Variants in C1QTNF12 observed in about 807,000 individuals in gnomAD.
C1QTNF12 encodes adipolin.
In C1QTNF12, 39 loss-of-function variants were observed where a neutral mutation model predicts 34.3. The ratio of observed to expected loss-of-function variants is 1.14; its 90% CI spans 0.88 to 1.49. The LOEUF is 1.49. Ranked by LOEUF, C1QTNF12 falls within the 40% of genes most tolerant of loss-of-function variation. The probability of loss-of-function intolerance (pLI) is 0.00; values close to 1 mark genes in which losing one functional copy is unlikely to be tolerated. For missense variants in C1QTNF12, 497 were observed against 424.7 expected, an observed-to-expected ratio of 1.17 and a Z score of -1.50; for synonymous variants, 220 against 196.9, an observed-to-expected ratio of 1.12 and a Z score of -0.98.
rs550573470 is a variant in C1QTNF12, at chr1:1,243,848, C to A, written c.531+106G>T. On this transcript the variant is annotated intron_variant, in intron 4 of 7. Coordinates refer to ENST00000330388, the MANE Select transcript of C1QTNF12 (RefSeq NM_001014980.3). The stretch of plus-strand genomic sequence containing the variant: ...CTCGCCCTCCGAGCCCCGCCCCCAG[C>A]CCCCAACCCACATGCTGCCCCATGA... 7.8e-4 allele frequency: 1,094 copies of A among 1,403,616 alleles called. 4 individuals are homozygous for A. The highest frequency in any genetic ancestry group is 9.2e-4 in the Non-Finnish European group (952 of 1,039,970). 86.9% of individuals were successfully genotyped at this position (1,403,616 alleles called of 1,614,324 possible).
Position 1,243,481 on chromosome 1 carries a change from C to T in C1QTNF12, c.603G>A (p.Val201=), listed in dbSNP as rs374660087. ...SLASGRFTAP[V]SGIFQFSASL... ...TGGCAGAGAACTGGAAGATGCCGGA[C>T]ACGGGGGCCGTGAACCGACCCGAGG... The change falls in exon 5 of 8, where the codon GTG becomes GTA. Residue 201 remains valine, a synonymous_variant. Transcript: ENST00000330388. 1.9e-6 allele frequency: 3 copies of T among 1,560,124 alleles called. No individual in the cohort carries two copies. The highest frequency in any genetic ancestry group is 2.7e-5 in the African/African-American group (2 of 73,478).
intron 1 of C1QTNF12, among the ~76,000 whole-genome samples, chr1:1,245,659 G>A (rs1638875545): frequency 6.6e-6 from 1 of 152,106 alleles, no homozygotes. Flanking sequence ...CCGGGAACCA[G>A]CCCACTCTTC....
In C1QTNF12 at chr1:1,243,978, CAGCGTCCGCTTGTCCACCCGGCGGGG is replaced by C; in HGVS notation, c.481_506del (p.Pro161GlyfsTer48). 4 of 1,609,628 alleles carry C rather than the reference CAGCGTCCGCTTGTCCACCCGGCGGGG, an allele frequency of 2.5e-6. No homozygotes were observed. Among genetic ancestry groups the C allele is most frequent in the Non-Finnish European group, 3.4e-6 (4 of 1,178,666 alleles). On this transcript the variant is annotated frameshift_variant, in exon 4 of 8. Coordinates refer to ENST00000330388, the MANE Select transcript of C1QTNF12 (RefSeq NM_001014980.3). LOFTEE classifies it high-confidence loss of function. Reference sequence around the variant, plus strand: ...CAGCCTGGAAACCATGCAGCTCCACCAGCGTCCGCTTGTCCACCCGGCGGGGACCCTGCAGCCGGCAGTGAAAGGCC... The same window carrying C: ...CAGCCTGGAAACCATGCAGCTCCACCACCCTGCAGCCGGCAGTGAAAGGCC...
Position 1,243,681 on chromosome 1 carries a change from T to C in C1QTNF12, c.532-129A>G, listed in dbSNP as rs1040922957. ...GCTCTCCCGGGACCCTCACGCTCAC[T>C]GTGGGCACCAGCAGGACTGACCCTC... On this transcript the variant is annotated intron_variant, in intron 4 of 7. Coordinates refer to ENST00000330388, the MANE Select transcript of C1QTNF12 (RefSeq NM_001014980.3). 3.5e-6 allele frequency: 3 copies of C among 847,830 alleles called. No homozygotes were observed. In the Admixed American group the frequency reaches 7.1e-5, roughly 20 times the overall value. 52.5% of individuals were successfully genotyped at this position (847,830 alleles called of 1,614,324 possible).
At position 1,246,639 on chromosome 1, in the gene C1QTNF12, C is replaced by G; in HGVS notation, c.52G>C (p.Val18Leu). Residue 18 changes from valine to leucine, a missense_variant, in exon 1 of 8, where the codon GTG (valine) becomes CTG (leucine). Val to Leu is a conservative substitution (Grantham distance 32). Transcript: ENST00000330388. This position sits in a 1 kb window ranked among gnomAD's most constrained non-coding sequence, Gnocchi z 4.5. ...AVVVLLGPQL[V>L]LLGGVGARRE... ...CGGGCCCCGACGCCCCCGAGGAGCA[C>G]GAGCTGCGGCCCGAGGAGGACCACG... 2.4e-6 allele frequency: 3 copies of G among 1,236,770 alleles called. No individual in the cohort carries two copies. The highest frequency in any genetic ancestry group is 3.0e-6 in the Non-Finnish European group (3 of 990,554). 76.6% of individuals were successfully genotyped at this position (1,236,770 alleles called of 1,614,324 possible).
rs1407411654 is a variant in C1QTNF12 at position 1,246,268 on chromosome 1, G to A, written c.177+246C>T. On this transcript the variant is annotated intron_variant, in intron 1 of 7. Transcript: ENST00000330388. This position sits in a 1 kb window ranked among gnomAD's most constrained non-coding sequence, Gnocchi z 4.5. ...TAACTGCGGCCCCCAACCGCGGGAA[G>A]CCCCCTTCACCCACCCACCCCAGGC... Among the ~76,000 whole-genome samples, 3 of 151,774 alleles carry A rather than the reference G, an allele frequency of 2.0e-5. No individual in the cohort carries two copies. Among genetic ancestry groups the A allele is most frequent in the African/African-American group, 7.3e-5 (3 of 41,324 alleles).
chr1:1,245,357 GC>G (rs1407166999), intron 1 of C1QTNF12, among the ~76,000 whole-genome samples: 1 of 137,012 alleles, frequency 7.3e-6, no homozygotes, highest in Non-Finnish European at 1.6e-5. Context: ...AAGGGACCCG[GC>G]GCCCTGGAGG....
At position 1,246,570 on chromosome 1, in the gene C1QTNF12, G is replaced by T. The variant is rs1486267873; in HGVS notation, c.121C>A (p.Pro41Thr). 4.8e-6 allele frequency: 6 copies of T among 1,245,828 alleles called. No homozygotes were observed. In the East Asian group the frequency reaches 9.4e-5, roughly 20 times the overall value. 77.2% of individuals were successfully genotyped at this position (1,245,828 alleles called of 1,614,324 possible). Residue 41 changes from proline to threonine, a missense_variant, in exon 1 of 8, where the codon CCC becomes ACC. Transcript: ENST00000330388. This position sits in a 1 kb window ranked among gnomAD's most constrained non-coding sequence, Gnocchi z 4.5. ...RTQQPGQRAD[P>T]PNATASASSR... ...GACGCGCTGGCGGTGGCGTTGGGGG[G>T]ATCTGCGCGCTGGCCAGGCTGCTGC...
chr1:1,243,845 CAG>C, intron 4 of C1QTNF12, 107 bp downstream of exon 4: 1,416 of 1,364,962 alleles, frequency 1.0e-3, no homozygotes, highest in Non-Finnish European at 1.3e-3. Context: ...GCCCCGCCCC[CAG>C]CCCCCAACCC....
At position 1,246,556 on chromosome 1, in the gene C1QTNF12, G is replaced by A. The variant is rs1023843230; in HGVS notation, c.135C>T (p.Thr45=). 3.2e-6 allele frequency: 4 copies of A among 1,241,370 alleles called. No individual in the cohort carries two copies. The South Asian group carries it at 1.4e-4, about 44-fold the overall frequency. The allele number at this position is 1,241,370 out of a possible 1,614,324, so 76.9% of individuals were successfully genotyped here. A position where few individuals can be genotyped will look rare whatever the true frequency, so the allele number is the denominator to read the frequency against. Residue 45 remains threonine (T), a synonymous_variant, in exon 1 of 8, where the codon ACC becomes ACT. Transcript: ENST00000330388. The surrounding 1 kb of genome is among the most constrained non-coding windows in gnomAD (Gnocchi z 4.5). ...PGQRADPPNA[T]ASASSREGLP... Reference sequence around the variant, plus strand: ...GCCCCTCGCGGGAGGACGCGCTGGCGGTGGCGTTGGGGGGATCTGCGCGCT... The same window carrying A: ...GCCCCTCGCGGGAGGACGCGCTGGCAGTGGCGTTGGGGGGATCTGCGCGCT...
Position 1,246,217 on chromosome 1 carries a change from C to T in C1QTNF12, c.177+297G>A, listed in dbSNP as rs929800549. Among the ~76,000 whole-genome samples, 5 of 150,250 alleles carry T rather than the reference C, an allele frequency of 3.3e-5. No homozygotes were observed. The highest frequency in any genetic ancestry group is 1.2e-4 in the African/African-American group (5 of 40,802). ...CCTAATAGCAACAGGTTCCTCAGAGCGCGGCAGGCCCACGCTTCAAAGGGT... is the reference window on the plus strand; with the variant it reads ...CCTAATAGCAACAGGTTCCTCAGAGTGCGGCAGGCCCACGCTTCAAAGGGT... On this transcript the variant is annotated intron_variant, in intron 1 of 7. Coordinates refer to ENST00000330388, the MANE Select transcript of C1QTNF12 (RefSeq NM_001014980.3). This position sits in a 1 kb window ranked among gnomAD's most constrained non-coding sequence, Gnocchi z 4.5.
intron 2 of C1QTNF12, 49 bp downstream of exon 2, chr1:1,244,332 C>T (rs1357504532): frequency 6.3e-7 from 1 of 1,597,464 alleles, no homozygotes; most frequent in Non-Finnish European, 8.6e-7. Context: ...GAGCTACCAC[C>T]ACACCCTGTC....
In C1QTNF12 at chr1:1,242,819, C is replaced by T. The variant is rs1638773410; in HGVS notation, c.810+16G>A. ...GTGCACCCGAGCCCTCCCGCTCACA[C>T]CCGGCCCGGACTCACCTGCAGCTGC... is the stretch of plus-strand genomic sequence containing the variant. On this transcript the variant is annotated intron_variant, in intron 7 of 7. Transcript: ENST00000330388. 1.2e-6 allele frequency: 2 copies of T among 1,611,784 alleles called. No homozygotes were observed.
intron 1 of C1QTNF12, among the ~76,000 whole-genome samples, chr1:1,245,588 G>A (rs1332357515): frequency 6.6e-6 from 1 of 151,808 alleles, no homozygotes; most frequent in Non-Finnish European, 1.5e-5. Context: ...GGACTGGCCC[G>A]GACTGCTGAA....
At chr1:1,246,988 C>T (rs928756266), upstream of C1QTNF12, among the ~76,000 whole-genome samples, 2 of 152,132 alleles carry the variant, frequency 1.3e-5, no homozygotes, top group Admixed American at 6.5e-5. This position sits in a 1 kb window ranked among gnomAD's most constrained non-coding sequence, Gnocchi z 4.5. Context: ...AGGGTGGGGG[C>T]TCACACTCGG....
rs79597171 is a variant in C1QTNF12, at chr1:1,246,024, G to A, written c.177+490C>T. Among the ~76,000 whole-genome samples, 1,375 of 152,148 alleles carry A rather than the reference G, an allele frequency of 9.0e-3. 21 individuals are homozygous for A. The highest frequency in any genetic ancestry group is 0.031 in the African/African-American group (1,273 of 41,494). ...TGACTGGGGCCCCAGGACTTAACCC[G>A]CAAGAGGGGGTGCTAGCTACACAGG... On this transcript the variant is annotated intron_variant, in intron 1 of 7. Coordinates refer to ENST00000330388, the MANE Select transcript of C1QTNF12 (RefSeq NM_001014980.3). This position sits in a 1 kb window ranked among gnomAD's most constrained non-coding sequence, Gnocchi z 4.5.
rs369515180 is a variant in C1QTNF12, at chr1:1,242,901, G to A, written c.744C>T (p.Ala248=). Residue 248 remains alanine, a synonymous_variant, in exon 7 of 8, where the codon GCC becomes GCT. Transcript: ENST00000330388. The stretch of plus-strand genomic sequence containing the variant: ...TGCTGTTGCTCTCCAGGCCTGAGAC[G>A]GCCTCCAGGCACCTGAACACAGCCC... ...SLCQRHTCLE[A]VSGLESNSRV... The A allele has an allele frequency of 4.8e-5, 78 of 1,612,170 alleles. No individual in the cohort carries two copies. Among genetic ancestry groups the A allele is most frequent in the Admixed American group, 1.7e-4 (10 of 59,974 alleles).
At chr1:1,244,750 C>T in intron 1 of C1QTNF12, 1 of 433,176 alleles carries the variant, frequency 2.3e-6, no homozygotes, top group Non-Finnish European at 4.1e-6. Flanking sequence ...TCCTCCCCCT[C>T]CTCCCCCCAC....
intron 5 of C1QTNF12, 93 bp downstream of exon 5, chr1:1,243,351 A>G: frequency 8.0e-7 from 1 of 1,244,438 alleles, no homozygotes; most frequent in Non-Finnish European, 1.1e-6. Flanking sequence ...GGTCCCTAAC[A>G]GGACCCGCAC....
Sources: allele counts gnomAD v4.1 joint callset (sites outside exome capture counted in the v4.1 genomes callset), GRCh38; gene constraint gnomAD v4.1.1; non-coding constraint Gnocchi (gnomAD v3.1); transcripts MANE v1.5; gene names NCBI Gene and HGNC (gene_info 2026-07-23, HGNC 2026-07-21).